The following PPP1R12A variants were observed in gnomAD, a reference collection of about 807,000 sequenced individuals.
PPP1R12A encodes the protein protein phosphatase 1 regulatory subunit 12A.
Under a neutral mutation model 139.6 loss-of-function variants are expected in PPP1R12A, and 19 were observed. That is an observed-to-expected ratio of 0.14 (90% CI 0.09 to 0.20). PPP1R12A has a LOEUF of 0.20. Among genes scored for constraint, PPP1R12A ranks in the 10% least tolerant of loss-of-function variants. PPP1R12A has a pLI of 1.00. For synonymous variants in PPP1R12A, 427 were observed against 420.6 expected (o/e 1.02, Z -0.19); for missense variants, 925 against 1,211.5 (o/e 0.76, Z 3.51).
intron 24 of PPP1R12A, among the ~76,000 whole-genome samples, chr12:79,776,220 G>C (rs530317983): frequency 6.6e-6 from 1 of 152,112 alleles, no homozygotes; most frequent in African/African-American, 2.4e-5. Flanking sequence ...ATAAATGCTG[G>C]AATGAAAGGT....
intron 1 of PPP1R12A, among the ~76,000 whole-genome samples, chr12:79,879,981 T>C (rs966798983): frequency 1.3e-5 from 2 of 152,102 alleles, no homozygotes; most frequent in African/African-American, 4.8e-5. Flanking sequence ...CCAAATGCAA[T>C]CCTTCTTTTA....
At chr12:79,925,953 C>T (rs900035949) in intron 1 of PPP1R12A, among the ~76,000 whole-genome samples, 3 of 152,080 alleles carry the variant, frequency 2.0e-5, no homozygotes, top group African/African-American at 4.8e-5. Context: ...TTGGTAGAGA[C>T]ACCGTCTCCC....
intron 2 of PPP1R12A, among the ~76,000 whole-genome samples, chr12:79,855,665 G>C (rs1880561668): frequency 6.6e-6 from 1 of 151,912 alleles, no homozygotes. Context: ...CACCAGGTCT[G>C]GGATAGCACT....
intron 2 of PPP1R12A, among the ~76,000 whole-genome samples, chr12:79,866,372 G>C (rs922102376): frequency 2.0e-5 from 3 of 152,124 alleles, no homozygotes; most frequent in African/African-American, 4.8e-5. Flanking sequence ...TAAAATTCTA[G>C]AAGAAAACCT....
chr12:79,793,953 T>G lies in PPP1R12A; in HGVS notation c.2584-25A>C, dbSNP rs761785019. ...TCTAAAAACAGATTGCCAATTTATA[T>G]TTTAGGAAATTTTAGTAATAATTTC... is the stretch of plus-strand genomic sequence containing the variant. On this transcript the variant is annotated intron_variant, in intron 18 of 24. Transcript: ENST00000450142. 25 of 1,479,784 alleles carry G rather than the reference T, an allele frequency of 1.7e-5. No homozygotes were observed. The African/African-American group carries it at 3.4e-4, about 20-fold the overall frequency. The allele number at this position is 1,479,784 out of a possible 1,614,324, so 91.7% of individuals were successfully genotyped here. A position where few individuals can be genotyped will look rare whatever the true frequency, so the allele number is the denominator to read the frequency against.
chr12:79,868,477 A>G (rs893961279), intron 2 of PPP1R12A, among the ~76,000 whole-genome samples: 1 of 151,548 alleles, frequency 6.6e-6, no homozygotes, highest in African/African-American at 2.4e-5. Context: ...TAAACAATAG[A>G]AATATTATTT....
intron 1 of PPP1R12A, among the ~76,000 whole-genome samples, chr12:79,905,833 C>T (rs1021180846): frequency 6.6e-6 from 1 of 152,094 alleles, no homozygotes; most frequent in Admixed American, 6.5e-5. Context: ...GGAAAACTGT[C>T]CATAGCTGTA....
At chr12:79,800,811 G>C (rs1256197836) in intron 14 of PPP1R12A, among the ~76,000 whole-genome samples, 3 of 149,294 alleles carry the variant, frequency 2.0e-5, no homozygotes, top group African/African-American at 7.4e-5. Flanking sequence ...TTGGCTCACT[G>C]CAAGCTTTGC....
intron 2 of PPP1R12A, among the ~76,000 whole-genome samples, chr12:79,872,453 C>A (rs978806116): frequency 6.6e-6 from 1 of 152,048 alleles, no homozygotes; most frequent in Non-Finnish European, 1.5e-5. Context: ...AGCAATGTAA[C>A]CCAGTTGCCA....
At chr12:79,802,425 C>T (rs1873300363) in intron 14 of PPP1R12A, among the ~76,000 whole-genome samples, 1 of 151,926 alleles carries the variant, frequency 6.6e-6, no homozygotes, top group African/African-American at 2.4e-5. Context: ...GGACTTCTAC[C>T]AAAGGAAGAG....
At chr12:79,871,697 T>G (rs954637243) in intron 2 of PPP1R12A, among the ~76,000 whole-genome samples, 4 of 151,404 alleles carry the variant, frequency 2.6e-5, no homozygotes, top group Admixed American at 6.6e-5. Flanking sequence ...ATTATCTGGG[T>G]TTTTTTTTCT....
intron 5 of PPP1R12A, chr12:79,828,100 T>G (rs1449989041): frequency 3.2e-6 from 1 of 314,146 alleles, no homozygotes; most frequent in African/African-American, 2.2e-5. Flanking sequence ...GCAATACTTC[T>G]TTCTTTGCAG....
intron 1 of PPP1R12A, among the ~76,000 whole-genome samples, chr12:79,884,649 T>C (rs1883940977): frequency 6.6e-6 from 1 of 152,208 alleles, no homozygotes; most frequent in Admixed American, 6.5e-5. Flanking sequence ...GTCAGTTTAC[T>C]GAACCATATA....
rs560472540 is a variant in PPP1R12A, at chr12:79,923,391, A to G, written c.237+11304T>C. 3.3e-5 allele frequency among the ~76,000 whole-genome samples: 5 copies of G among 152,378 alleles called. No individual in the cohort carries two copies. The South Asian group carries it at 1.0e-3, about 32-fold the overall frequency. On this transcript the variant is annotated intron_variant, in intron 1 of 24. Transcript: ENST00000450142. ...TAGGAAAATAAATTCCAAGATGTAT[A>G]TGCACATGCACACACAATGGAATAC... is the stretch of plus-strand genomic sequence containing the variant.
chr12:79,812,382 C>CTGTG (rs1555202833), intron 9 of PPP1R12A, among the ~76,000 whole-genome samples: 51 of 112,950 alleles, frequency 4.5e-4, no homozygotes, highest in African/African-American at 2.5e-3. Flanking sequence ...TTGACTGACT[C>CTGTG]TGTGTGTGCG....
chr12:79,856,577 C>T (rs972367018), intron 2 of PPP1R12A, among the ~76,000 whole-genome samples: 1 of 152,196 alleles, frequency 6.6e-6, no homozygotes, highest in African/African-American at 2.4e-5. Flanking sequence ...AGACTTCGAA[C>T]TGTCTTTAGA....
chr12:79,817,455 A>C lies in PPP1R12A; in HGVS notation c.1178T>G (p.Val393Gly). The C allele has an allele frequency of 6.2e-7, 1 of 1,610,646 alleles. No individual in the cohort carries two copies. Among genetic ancestry groups the C allele is most frequent in the Admixed American group, 1.7e-5 (1 of 59,624 alleles). The stretch of plus-strand genomic sequence containing the variant: ...TGACACAGTAGGTGTTGTAACAGCT[A>C]CAGGAGCTGCTTGTGTACTAGAAGT... ...ANTSSTQAAP[V>G]AVTTPTVSSG... The change falls in exon 9 of 25, where the codon GTA (valine) becomes GGA (glycine). Residue 393 changes from valine (V) to glycine (G), a missense_variant. Val to Gly is a moderately radical substitution (Grantham distance 109). Transcript: ENST00000450142.
At chr12:79,783,451 C>T (rs1870732220) in intron 22 of PPP1R12A, among the ~76,000 whole-genome samples, 1 of 151,874 alleles carries the variant, frequency 6.6e-6, no homozygotes, top group Non-Finnish European at 1.5e-5. Context: ...TTGAGTGACA[C>T]AGCGAGATGC....
intron 14 of PPP1R12A, among the ~76,000 whole-genome samples, chr12:79,799,093 A>C (rs1872791663): frequency 6.6e-6 from 1 of 152,140 alleles, no homozygotes; most frequent in Non-Finnish European, 1.5e-5. Context: ...CTCTACCTAC[A>C]GTATTTTCAA....
Sources: gnomAD v4.1 joint callset for allele counts (sites outside exome capture counted in the v4.1 genomes callset) on GRCh38, gnomAD v4.1.1 for gene constraint, MANE v1.5 for transcripts, NCBI Gene and HGNC (gene_info 2026-07-23, HGNC 2026-07-21) for gene names.